RAB38: variants seen among roughly 807,000 people sequenced by gnomAD.
RAB38 encodes ras-related protein Rab-38.
Under a neutral mutation model 18.4 loss-of-function variants are expected in RAB38, and 15 were observed. That is an observed-to-expected ratio of 0.82 (90% CI 0.55 to 1.26). The LOEUF is 1.26. RAB38 is among the 50% of genes most tolerant of loss of function. The pLI is 0.00. For synonymous variants in RAB38, 101 were observed against 104.4 expected (o/e 0.97, Z 0.20); for missense variants, 294 against 267.4 (o/e 1.10, Z -0.69).
the RAB38 span, among the ~76,000 whole-genome samples, chr11:87,976,394 C>A: frequency 7.4e-6 from 1 of 134,616 alleles, no homozygotes; most frequent in African/African-American, 2.8e-5. Flanking sequence ...TTTATATATA[C>A]ACATATTTAT....
chr11:88,050,208 G>C, the RAB38 span: 3 of 152,098 alleles, frequency 2.0e-5, no homozygotes, highest in Non-Finnish European at 4.4e-5. Context: ...TTTATAAATA[G>C]AAAAAACTGT....
chr11:87,819,872 C>G, the RAB38 span, among the ~76,000 whole-genome samples: 1 of 151,412 alleles, frequency 6.6e-6, no homozygotes, highest in East Asian at 1.9e-4. Flanking sequence ...CTTCGAGAAG[C>G]TCTAAGCCTA....
the RAB38 span, among the ~76,000 whole-genome samples, chr11:88,043,907 C>G: frequency 5.9e-5 from 9 of 152,320 alleles, no homozygotes; most frequent in Non-Finnish European, 1.3e-4. Flanking sequence ...CTCTGGTCCT[C>G]AGACTAACCA....
At chr11:88,029,513 T>C in the RAB38 span, among the ~76,000 whole-genome samples, 7 of 151,838 alleles carry the variant, frequency 4.6e-5, no homozygotes, top group East Asian at 1.9e-4. Flanking sequence ...CACATAGGCT[T>C]AAAATAAAAG....
At chr11:88,153,842 A>G (rs1207621145) in intron 1 of RAB38, among the ~76,000 whole-genome samples, 1 of 152,224 alleles carries the variant, frequency 6.6e-6, no homozygotes, top group African/African-American at 2.4e-5. Flanking sequence ...ATAGTACATT[A>G]GAGCCTTTTA....
the RAB38 span, among the ~76,000 whole-genome samples, chr11:87,877,994 A>T: frequency 0.3 from 45,215 of 150,274 alleles, 8,788 homozygotes; most frequent in African/African-American, 0.53. Context: ...TGTAACATGA[A>T]GCAAATAAGT....
chr11:87,963,565 T>C, the RAB38 span, among the ~76,000 whole-genome samples: 8 of 152,046 alleles, frequency 5.3e-5, no homozygotes, highest in South Asian at 2.1e-4. Context: ...ATGAAATATG[T>C]TATCAAAATA....
chr11:87,906,143 T>C, the RAB38 span, among the ~76,000 whole-genome samples: 1 of 151,976 alleles, frequency 6.6e-6, no homozygotes, highest in African/African-American at 2.4e-5. Context: ...TAGTTATTTA[T>C]AACAGAATGG....
the RAB38 span, among the ~76,000 whole-genome samples, chr11:87,826,240 CTTTG>C: frequency 3.3e-5 from 5 of 152,010 alleles, no homozygotes; most frequent in South Asian, 2.1e-4. Flanking sequence ...ATGTACATAT[CTTTG>C]TTTGATAAAA....
chr11:88,110,986 A>G (rs1942466586), downstream of RAB38, among the ~76,000 whole-genome samples: 1 of 152,090 alleles, frequency 6.6e-6, no homozygotes, highest in Admixed American at 6.6e-5. Context: ...ACTAAAAATG[A>G]AAAAGAAAAA....
the RAB38 span, among the ~76,000 whole-genome samples, chr11:87,880,373 A>G: frequency 2.0e-5 from 3 of 151,776 alleles, no homozygotes; most frequent in African/African-American, 7.2e-5. Flanking sequence ...CTTCTATCCC[A>G]ATTTTAAAGC....
chr11:87,924,385 C>G, the RAB38 span, among the ~76,000 whole-genome samples: 2 of 151,990 alleles, frequency 1.3e-5, no homozygotes, highest in African/African-American at 2.4e-5. Context: ...ACTCAGAGAA[C>G]AAAATCTCAG....
chr11:87,942,405 G>T, the RAB38 span, among the ~76,000 whole-genome samples: 1 of 152,160 alleles, frequency 6.6e-6, no homozygotes, highest in East Asian at 1.9e-4. Flanking sequence ...GAATTCTAGG[G>T]TAATAAAGAG....
the RAB38 span, among the ~76,000 whole-genome samples, chr11:88,007,201 C>T: frequency 6.6e-6 from 1 of 151,654 alleles, no homozygotes; most frequent in Non-Finnish European, 1.5e-5. Flanking sequence ...TATAAACCAT[C>T]CAGATAAAAA....
chr11:88,143,644 T>C (rs302669), intron 2 of RAB38, among the ~76,000 whole-genome samples: 47,943 of 152,114 alleles, frequency 0.32, 7,946 homozygotes, highest in Non-Finnish European at 0.36. Context: ...AAGTTTTTAA[T>C]AGCATGCAAA....
the RAB38 span, among the ~76,000 whole-genome samples, chr11:87,972,570 A>G: frequency 6.6e-6 from 1 of 152,026 alleles, no homozygotes; most frequent in Admixed American, 6.6e-5. Flanking sequence ...CTGAAGTACA[A>G]TAGACCCACA....
At chr11:87,946,577 T>G in the RAB38 span, among the ~76,000 whole-genome samples, 2 of 152,072 alleles carry the variant, frequency 1.3e-5, no homozygotes, top group African/African-American at 4.8e-5. Flanking sequence ...TGTGTGATGT[T>G]CCCCTTCCTG....
At chr11:87,970,232 A>T in the RAB38 span, among the ~76,000 whole-genome samples, 3 of 152,118 alleles carry the variant, frequency 2.0e-5, no homozygotes, top group Non-Finnish European at 2.9e-5. Context: ...GGTATTTTAA[A>T]AATTAAAATG....
the RAB38 span, among the ~76,000 whole-genome samples, chr11:88,094,772 A>G: frequency 2.6e-5 from 4 of 152,042 alleles, 1 homozygote; most frequent in South Asian, 8.3e-4. Context: ...TAAATTTGTA[A>G]CTGCCAACTT....
Sources: gnomAD v4.1 joint callset for allele counts (sites outside exome capture counted in the v4.1 genomes callset) on GRCh38, gnomAD v4.1.1 for gene constraint, MANE v1.5 for transcripts, NCBI Gene and HGNC (gene_info 2026-07-23, HGNC 2026-07-21) for gene names.